NRXN1: variants seen among roughly 807,000 people sequenced by gnomAD.
NRXN1 encodes the protein neurexin 1, also known as neurexin-1.
A neutral mutation model predicts 150.9 loss-of-function variants in NRXN1; 39 were observed. The ratio of observed to expected loss-of-function variants is 0.26; its 90% confidence interval spans 0.20 to 0.34. The LOEUF (loss-of-function observed/expected upper bound fraction) is 0.34. NRXN1 is among the 10% of genes least tolerant of loss of function. The pLI, the probability that NRXN1 is intolerant of heterozygous loss-of-function variation, is 1.00. For missense variants in NRXN1, 1,815 were observed against 1,949.9 expected (o/e 0.93, Z 1.30); for synonymous variants, 924 against 757.0 (o/e 1.22, Z -3.62).
At position 50,307,005 on chromosome 2, in the gene NRXN1, G is replaced by C. The variant is rs1403775510; in HGVS notation, c.3365-70035C>G. 8.6e-5 allele frequency among the ~76,000 whole-genome samples: 13 copies of C among 151,896 alleles called. No individual in the cohort carries two copies. In the East Asian group the frequency reaches 2.5e-3, roughly 29 times the overall value. The stretch of plus-strand genomic sequence containing the variant: ...TGAGTTTTGTTTTGTTTTTTTCTGA[G>C]ATGGAGTCTTGCTCTGTTGCCCAGG... On this transcript the variant is annotated intron_variant, in intron 17 of 22. Coordinates refer to ENST00000401669, the MANE Select transcript of NRXN1 (RefSeq NM_001330078.2).
At chr2:50,756,913 C>T (rs569426054) in intron 5 of NRXN1, among the ~76,000 whole-genome samples, 3 of 151,860 alleles carry the variant, frequency 2.0e-5, no homozygotes, top group Non-Finnish European at 2.9e-5. Context: ...TGGGTATTTA[C>T]GTGTTAAAAC....
chr2:50,738,910 G>T (rs1699093004), intron 5 of NRXN1, among the ~76,000 whole-genome samples: 1 of 152,110 alleles, frequency 6.6e-6, no homozygotes, highest in Admixed American at 6.6e-5. Flanking sequence ...TTCTGGAGGG[G>T]CAATTAGAAT....
chr2:50,414,555 T>A (rs1157645905), intron 17 of NRXN1, among the ~76,000 whole-genome samples: 1 of 151,892 alleles, frequency 6.6e-6, no homozygotes, highest in Non-Finnish European at 1.5e-5. Context: ...TACATGAAAA[T>A]CTTTGAGTAT....
At chr2:50,915,200 A>C (rs1685047200) in intron 5 of NRXN1, among the ~76,000 whole-genome samples, 2 of 151,608 alleles carry the variant, frequency 1.3e-5, no homozygotes, top group Non-Finnish European at 3.0e-5. Flanking sequence ...TTATTTTTCC[A>C]ATATAGACAC....
intron 21 of NRXN1, among the ~76,000 whole-genome samples, chr2:50,051,831 C>T (rs1217179824): frequency 3.3e-5 from 5 of 151,978 alleles, no homozygotes; most frequent in Admixed American, 6.6e-5. Flanking sequence ...CACATGTAGA[C>T]AGTGATCAAT....
chr2:50,901,384 A>C (rs1344559623), intron 5 of NRXN1, among the ~76,000 whole-genome samples: 1 of 152,062 alleles, frequency 6.6e-6, no homozygotes, highest in African/African-American at 2.4e-5. Flanking sequence ...AAATACAAAA[A>C]AAATTAGCCA....
chr2:50,508,425 A>AC (rs2092328736), intron 12 of NRXN1, among the ~76,000 whole-genome samples: 1 of 151,784 alleles, frequency 6.6e-6, no homozygotes, highest in African/African-American at 2.4e-5. Context: ...AAAAAAAAAA[A>AC]ACTCTTTCTA....
chr2:50,184,759 C>A (rs946435108), intron 18 of NRXN1, among the ~76,000 whole-genome samples: 4 of 151,602 alleles, frequency 2.6e-5, no homozygotes, highest in African/African-American at 9.7e-5. Context: ...ATAGCATTTA[C>A]AATATACTTG....
At chr2:50,132,895 A>C (rs1430498734) in intron 18 of NRXN1, among the ~76,000 whole-genome samples, 1 of 144,716 alleles carries the variant, frequency 6.9e-6, no homozygotes, top group Non-Finnish European at 1.5e-5. Flanking sequence ...ACTTCTTTCC[A>C]CCCTGCTAAA....
chr2:50,911,303 G>A (rs1215947633), intron 5 of NRXN1, among the ~76,000 whole-genome samples: 1 of 151,584 alleles, frequency 6.6e-6, no homozygotes, highest in Admixed American at 6.6e-5. Context: ...GTCCCCATAG[G>A]AGCTTGACCT....
chr2:50,418,256 C>T (rs889581047), intron 17 of NRXN1, among the ~76,000 whole-genome samples: 17 of 152,112 alleles, frequency 1.1e-4, no homozygotes, highest in African/African-American at 3.9e-4. Flanking sequence ...TCCACTGAGT[C>T]CTGAACAGGC....
chr2:50,007,914 T>G (rs1410000962), intron 21 of NRXN1, among the ~76,000 whole-genome samples: 1 of 152,152 alleles, frequency 6.6e-6, no homozygotes, highest in Non-Finnish European at 1.5e-5. Flanking sequence ...GACTTTTTAA[T>G]GGTAAGTGTT....
intron 5 of NRXN1, among the ~76,000 whole-genome samples, chr2:50,790,108 G>A (rs1559265866): frequency 2.0e-5 from 3 of 151,106 alleles, no homozygotes; most frequent in South Asian, 4.2e-4. Context: ...TTGTAAACCT[G>A]CTTTTAACTC....
intron 18 of NRXN1, among the ~76,000 whole-genome samples, chr2:50,221,399 C>T (rs749175724): frequency 1.3e-5 from 2 of 151,952 alleles, no homozygotes; most frequent in Non-Finnish European, 2.9e-5. Context: ...TATAGACAGC[C>T]ACGGCATTAA....
At chr2:50,261,355 C>T (rs544477863) in intron 17 of NRXN1, among the ~76,000 whole-genome samples, 2 of 151,870 alleles carry the variant, frequency 1.3e-5, no homozygotes, top group African/African-American at 4.8e-5. Context: ...CTAAGGTACG[C>T]TCAGAGAGAT....
chr2:50,747,726 A>G (rs1700172252), intron 5 of NRXN1, among the ~76,000 whole-genome samples: 1 of 152,142 alleles, frequency 6.6e-6, no homozygotes, highest in Non-Finnish European at 1.5e-5. Flanking sequence ...TAATATGAGT[A>G]ATAATAATAT....
Position 50,623,689 on chromosome 2 carries a change from A to G in NRXN1, c.833-74T>C, listed in dbSNP as rs145859715. On this transcript the variant is annotated intron_variant, in intron 5 of 22. Transcript: ENST00000401669. ...AAATCAGCAGGTCTTAACAGAAACA[A>G]TAGCTAATCACTCCCCAAATTAACC... is the stretch of plus-strand genomic sequence containing the variant. The G allele has an allele frequency of 5.6e-5, 58 of 1,030,654 alleles. No individual in the cohort carries two copies. The East Asian group carries it at 6.4e-4, about 11-fold the overall frequency. 63.8% of individuals were successfully genotyped at this position (1,030,654 alleles called of 1,614,324 possible). A position where few individuals can be genotyped will look rare whatever the true frequency, so the allele number is the denominator to read the frequency against.
intron 5 of NRXN1, among the ~76,000 whole-genome samples, chr2:50,770,477 G>A (rs1574417780): frequency 6.6e-6 from 1 of 151,920 alleles, no homozygotes; most frequent in South Asian, 2.1e-4. Flanking sequence ...GGACTAAGGT[G>A]CGTCTCACAG....
At chr2:50,957,373 C>A (rs1451782295) in intron 2 of NRXN1, among the ~76,000 whole-genome samples, 1 of 152,074 alleles carries the variant, frequency 6.6e-6, no homozygotes, top group Non-Finnish European at 1.5e-5. Flanking sequence ...AAGTTCTGAA[C>A]CAGGAGCCAT....
Sources: gnomAD v4.1 joint callset for allele counts (sites outside exome capture counted in the v4.1 genomes callset) on GRCh38, gnomAD v4.1.1 for gene constraint, MANE v1.5 for transcripts, NCBI Gene and HGNC (gene_info 2026-07-23, HGNC 2026-07-21) for gene names.